ABHD2: variants seen among roughly 807,000 people sequenced by gnomAD.
ABHD2 encodes abhydrolase domain containing 2, acylglycerol lipase.
A neutral mutation model predicts 48.1 loss-of-function variants in ABHD2; 20 were observed. The ratio of observed to expected loss-of-function variants is 0.42; its 90% confidence interval spans 0.29 to 0.60. ABHD2 has a LOEUF of 0.60. Among genes scored for constraint, ABHD2 ranks in the 20% least tolerant of loss-of-function variants. The pLI, the probability that ABHD2 is intolerant of heterozygous loss-of-function variation, is 0.24. For synonymous variants in ABHD2, 209 were observed against 214.2 expected (o/e 0.98, Z 0.21); for missense variants, 405 against 550.9 (o/e 0.74, Z 2.65).
intron 3 of ABHD2, among the ~76,000 whole-genome samples, chr15:89,134,057 C>G (rs915153062): frequency 2.2e-4 from 33 of 152,210 alleles, no homozygotes; most frequent in African/African-American, 7.5e-4. Context: ...CCAGGATGGC[C>G]TCGATCTCCT....
chr15:89,194,061 A>G (rs2051351890), intron 10 of ABHD2, among the ~76,000 whole-genome samples: 1 of 152,222 alleles, frequency 6.6e-6, no homozygotes, highest in Non-Finnish European at 1.5e-5. Context: ...ACTGCACTCC[A>G]GCCTGGGCAA....
chr15:89,056,327 T>C, the ABHD2 span, among the ~76,000 whole-genome samples: 17 of 152,282 alleles, frequency 1.1e-4, no homozygotes, highest in African/African-American at 4.1e-4. Context: ...GTTACAAGAA[T>C]ATGTATGGAT....
chr15:89,176,241 C>T lies in ABHD2; in HGVS notation c.722+246C>T, dbSNP rs191653175. Among the ~76,000 whole-genome samples, 1 of 152,040 alleles carries T rather than the reference C, an allele frequency of 6.6e-6. No homozygotes were observed. Among genetic ancestry groups the T allele is most frequent in the East Asian group, 1.9e-4 (1 of 5,202 alleles). ...GATCTGTAATTGGAGAAGTAAAACC[C>T]CCTTTGATAGTTGCTGTCTCCTAGG... On this transcript the variant is annotated intron_variant, in intron 6 of 10. Coordinates refer to ENST00000352732, the MANE Select transcript of ABHD2 (RefSeq NM_152924.5). The surrounding 1 kb of genome is among the most constrained non-coding windows in gnomAD (Gnocchi z 4.5).
At chr15:89,060,870 T>C in the ABHD2 span, among the ~76,000 whole-genome samples, 1 of 152,216 alleles carries the variant, frequency 6.6e-6, no homozygotes, top group Non-Finnish European at 1.5e-5. Context: ...AGACTGTATA[T>C]GCAATGTGGA....
intron 4 of ABHD2, among the ~76,000 whole-genome samples, chr15:89,154,369 A>G (rs147888872): frequency 6.1e-4 from 93 of 152,360 alleles, no homozygotes; most frequent in African/African-American, 2.1e-3. Flanking sequence ...AAAAATTATG[A>G]TCAAATTTAA....
intron 2 of ABHD2, among the ~76,000 whole-genome samples, chr15:89,115,108 T>C (rs2049934127): frequency 6.6e-6 from 1 of 152,200 alleles, no homozygotes; most frequent in Non-Finnish European, 1.5e-5. Context: ...TTGTTCTGCC[T>C]GTCTCTAGCA....
chr15:89,191,519 A>G (rs2051304785), intron 9 of ABHD2, among the ~76,000 whole-genome samples: 1 of 152,022 alleles, frequency 6.6e-6, no homozygotes, highest in African/African-American at 2.4e-5. Flanking sequence ...GTATTTTGTT[A>G]CCATAGTGCC....
chr15:89,074,988 A>T, the ABHD2 span, among the ~76,000 whole-genome samples: 1 of 151,724 alleles, frequency 6.6e-6, no homozygotes, highest in African/African-American at 2.4e-5. Context: ...TTCACCCCCA[A>T]CCCTAAACTT....
the ABHD2 span, among the ~76,000 whole-genome samples, chr15:89,072,779 A>G: frequency 2.0e-5 from 3 of 152,096 alleles, no homozygotes; most frequent in Non-Finnish European, 4.4e-5. Flanking sequence ...CTTGCCCTCA[A>G]TATGGTTATG....
Position 89,100,284 on chromosome 15 carries a change from ATT to A in ABHD2, c.-107+11737_-107+11738del, listed in dbSNP as rs57813229. Among the ~76,000 whole-genome samples the A allele has an allele frequency of 2.1e-4, 30 of 141,084 alleles. No individual in the cohort carries two copies. The highest frequency in any genetic ancestry group is 1.9e-4 in the Non-Finnish European group (12 of 64,074). 92.6% of individuals were successfully genotyped at this position (141,084 alleles called of 152,430 possible). ...CTCCCAAGTTCACATTGTGTTGTTA[ATT>A]TTTTTTTTTTTTTTTAAGAGACAGG... On this transcript the variant is annotated intron_variant, in intron 1 of 10. Transcript: ENST00000352732. The surrounding 1 kb of genome is among the most constrained non-coding windows in gnomAD (Gnocchi z 4.4).
In ABHD2 at chr15:89,189,214, G is replaced by A. The variant is rs1398975588; in HGVS notation, c.926+911G>A. The stretch of plus-strand genomic sequence containing the variant: ...TAACAATCATTTGAGGCCAGGAACA[G>A]TGGCTCATGCCTGTAATTCCAGCAC... On this transcript the variant is annotated intron_variant, in intron 8 of 10. Coordinates refer to ENST00000352732, the MANE Select transcript of ABHD2 (RefSeq NM_152924.5). This position sits in a 1 kb window ranked among gnomAD's most constrained non-coding sequence, Gnocchi z 4.9. 2.0e-5 allele frequency among the ~76,000 whole-genome samples: 3 copies of A among 152,238 alleles called. No individual in the cohort carries two copies. The highest frequency in any genetic ancestry group is 7.2e-5 in the African/African-American group (3 of 41,458).
Position 89,120,073 on chromosome 15 carries a change from G to T in ABHD2, c.194+3552G>T, listed in dbSNP as rs1025729949. 6.6e-6 allele frequency among the ~76,000 whole-genome samples: 1 copy of T among 152,148 alleles called. No homozygotes were observed. Among genetic ancestry groups the T allele is most frequent in the Non-Finnish European group, 1.5e-5 (1 of 68,006 alleles). On this transcript the variant is annotated intron_variant, in intron 3 of 10. Coordinates refer to ENST00000352732, the MANE Select transcript of ABHD2 (RefSeq NM_152924.5). The surrounding 1 kb of genome is among the most constrained non-coding windows in gnomAD (Gnocchi z 4.2). ...CAGGACGTGTCTTCTTACTGTTCTG[G>T]TATAGAAAAAAAGTTGATGAAAGGT...
At chr15:89,049,463 C>T in the ABHD2 span, among the ~76,000 whole-genome samples, 37 of 152,356 alleles carry the variant, frequency 2.4e-4, no homozygotes, top group East Asian at 1.2e-3. Flanking sequence ...GAAGCCTGGG[C>T]AATGGCGGGC....
At chr15:89,145,474 G>A (rs1051134742) in intron 3 of ABHD2, among the ~76,000 whole-genome samples, 1 of 152,206 alleles carries the variant, frequency 6.6e-6, no homozygotes, top group African/African-American at 2.4e-5. Context: ...GGGACAGAAA[G>A]ATGAGCCTTC....
chr15:89,134,821 A>G (rs2150852703), intron 3 of ABHD2, among the ~76,000 whole-genome samples: 1 of 152,006 alleles, frequency 6.6e-6, no homozygotes, highest in East Asian at 1.9e-4. Flanking sequence ...TTGATTGTGA[A>G]CTCCCTGGGA....
chr15:89,130,929 A>C (rs1280480132), intron 3 of ABHD2, among the ~76,000 whole-genome samples: 1 of 152,152 alleles, frequency 6.6e-6, no homozygotes, highest in African/African-American at 2.4e-5. Context: ...TGTCCAGAGA[A>C]GAGGAGAATA....
upstream of ABHD2, chr15:89,082,901 T>C (rs995308899): frequency 6.6e-6 from 1 of 152,216 alleles, no homozygotes; most frequent in African/African-American, 2.4e-5. This position sits in a 1 kb window ranked among gnomAD's most constrained non-coding sequence, Gnocchi z 4.4. Context: ...TGCAGTGCAA[T>C]GGTGTAATCT....
chr15:89,172,401 A>G (rs1165697474), intron 5 of ABHD2, among the ~76,000 whole-genome samples: 4 of 152,232 alleles, frequency 2.6e-5, no homozygotes, highest in Non-Finnish European at 4.4e-5. Context: ...GGTTTACTTC[A>G]TGTAGCATAA....
the ABHD2 span, among the ~76,000 whole-genome samples, chr15:89,049,546 G>A: frequency 2.7e-4 from 41 of 152,260 alleles, no homozygotes; most frequent in Admixed American, 2.2e-3. Flanking sequence ...GTGAGACTCC[G>A]TGGGCGTAGG....
Sources: gnomAD v4.1 joint callset for allele counts (sites outside exome capture counted in the v4.1 genomes callset) on GRCh38, gnomAD v4.1.1 for gene constraint, Gnocchi (gnomAD v3.1) non-coding constraint, MANE v1.5 for transcripts, NCBI Gene and HGNC (gene_info 2026-07-23, HGNC 2026-07-21) for gene names.